The following FBXO11 variants were observed in gnomAD, a reference collection of about 807,000 sequenced individuals.
The protein encoded by FBXO11 is F-box protein 11, also known as F-box only protein 11.
FBXO11 carries 13 observed loss-of-function variants against 117.0 expected under a neutral mutation model. The observed-to-expected ratio is 0.11, with a 90% CI of 0.07 to 0.18. FBXO11 has a LOEUF of 0.18. Ranked by LOEUF, FBXO11 falls within the 10% of genes least tolerant of loss-of-function variation. The pLI is 1.00. For missense variants in FBXO11, 767 were observed against 1,164.4 expected, an observed-to-expected ratio of 0.66 and a Z score of 4.97; for synonymous variants, 490 against 380.5, an observed-to-expected ratio of 1.29 and a Z score of -3.35.
intron 1 of FBXO11, 67 bp downstream of exon 1, chr2:47,905,422 G>A (rs1348275850): frequency 1.8e-6 from 2 of 1,094,060 alleles, no homozygotes; most frequent in Non-Finnish European, 2.2e-6. Context: ...CCGCCCGCCC[G>A]CCCGCCCCGG....
chr2:47,823,405 A>C, intron 11 of FBXO11, 45 bp from the exon 12 acceptor site: 1 of 1,365,262 alleles, frequency 7.3e-7, no homozygotes, highest in Non-Finnish European at 1.0e-6. Flanking sequence ...CCTACTTTAC[A>C]AAAAAAGAAA....
chr2:47,889,489 G>C (rs960069332), intron 1 of FBXO11, among the ~76,000 whole-genome samples: 1 of 152,098 alleles, frequency 6.6e-6, no homozygotes, highest in African/African-American at 2.4e-5. Context: ...AAGATGGTCC[G>C]ACAACTTATC....
chr2:47,885,236 T>A (rs1676733172), intron 1 of FBXO11, among the ~76,000 whole-genome samples: 1 of 152,146 alleles, frequency 6.6e-6, no homozygotes, highest in South Asian at 2.1e-4. Context: ...ACCACTGAGT[T>A]CACAACTTTA....
intron 1 of FBXO11, among the ~76,000 whole-genome samples, chr2:47,854,372 T>C (rs1674106325): frequency 1.3e-5 from 2 of 152,044 alleles, no homozygotes; most frequent in Admixed American, 1.3e-4. Context: ...AAATCTCATG[T>C]TCTCTATAAA....
At chr2:47,875,157 A>G (rs1675906958) in intron 1 of FBXO11, among the ~76,000 whole-genome samples, 1 of 152,136 alleles carries the variant, frequency 6.6e-6, no homozygotes, top group Non-Finnish European at 1.5e-5. Context: ...GCAGTCCAAC[A>G]TGGCAGCCAG....
chr2:47,849,125 T>C (rs748308112), intron 1 of FBXO11, among the ~76,000 whole-genome samples: 7 of 151,960 alleles, frequency 4.6e-5, no homozygotes, highest in Non-Finnish European at 7.4e-5. Flanking sequence ...TCTAACACAG[T>C]TGGAAACTAC....
At chr2:47,824,674 T>G (rs1049185002) in intron 11 of FBXO11, among the ~76,000 whole-genome samples, 7 of 152,190 alleles carry the variant, frequency 4.6e-5, no homozygotes, top group Non-Finnish European at 7.3e-5. Flanking sequence ...TAATCTCAAT[T>G]TTGTTTAAAG....
intron 11 of FBXO11, among the ~76,000 whole-genome samples, chr2:47,830,594 T>C (rs1672103848): frequency 6.6e-6 from 1 of 152,242 alleles, no homozygotes; most frequent in Non-Finnish European, 1.5e-5. Flanking sequence ...AAATACTTTA[T>C]AAATCTTAAA....
chr2:47,881,644 T>C (rs1038524587), intron 1 of FBXO11, among the ~76,000 whole-genome samples: 1 of 152,232 alleles, frequency 6.6e-6, no homozygotes, highest in Non-Finnish European at 1.5e-5. Context: ...TACCAGTTAT[T>C]ACCATAGGGC....
intron 1 of FBXO11, among the ~76,000 whole-genome samples, chr2:47,877,005 T>C (rs989034758): frequency 3.3e-5 from 5 of 152,062 alleles, no homozygotes; most frequent in Non-Finnish European, 4.4e-5. Context: ...CCATGTTCAG[T>C]CTAGTACACA....
chr2:47,866,245 CAAAAAAA>C (rs57654823), intron 1 of FBXO11, among the ~76,000 whole-genome samples: 6 of 58,440 alleles, frequency 1.0e-4, no homozygotes, highest in Admixed American at 2.0e-4. Flanking sequence ...CCTTCTGCTT[CAAAAAAA>C]AAAAAAAAAA....
chr2:47,877,042 GTTT>G (rs570651515), intron 1 of FBXO11, among the ~76,000 whole-genome samples: 8 of 144,384 alleles, frequency 5.5e-5, no homozygotes, highest in African/African-American at 1.5e-4. Flanking sequence ...TTAATACAGG[GTTT>G]TTTTTTTTTG....
chr2:47,877,965 G>A (rs1312649874), intron 1 of FBXO11, among the ~76,000 whole-genome samples: 2 of 152,128 alleles, frequency 1.3e-5, no homozygotes, highest in East Asian at 1.9e-4. Flanking sequence ...TTACAGGCGT[G>A]AGCCACCGTG....
At chr2:47,887,585 G>C (rs778514951) in intron 1 of FBXO11, among the ~76,000 whole-genome samples, 12 of 152,008 alleles carry the variant, frequency 7.9e-5, no homozygotes, top group Non-Finnish European at 1.6e-4. Flanking sequence ...GTGGGGCCAG[G>C]CATGGTGGCT....
intron 1 of FBXO11, among the ~76,000 whole-genome samples, chr2:47,901,131 G>GTGTACATATATATACATATA (rs1678255610): frequency 1.9e-5 from 2 of 105,650 alleles, no homozygotes; most frequent in Non-Finnish European, 2.1e-5. Context: ...GTGTGTACAT[G>GTGTACATATATATACATATA]TATATATATA....
chr2:47,901,103 A>ATG (rs371221697), intron 1 of FBXO11, among the ~76,000 whole-genome samples: 16,456 of 112,784 alleles, frequency 0.15, 1,621 homozygotes, highest in South Asian at 0.21. Flanking sequence ...ATACATATAT[A>ATG]TGTATATATG....
At chr2:47,839,915 A>C in intron 1 of FBXO11, 146 bp from the exon 2 acceptor site, 1 of 643,864 alleles carries the variant, frequency 1.6e-6, no homozygotes. Context: ...AGCTATATGA[A>C]AGAAATGTTA....
At chr2:47,832,327 T>G in intron 11 of FBXO11, 22 bp downstream of exon 11, 1 of 1,553,708 alleles carries the variant, frequency 6.4e-7, no homozygotes, top group Non-Finnish European at 8.7e-7. Context: ...TCCGTTTTTC[T>G]ATTAAAAATA....
intron 18 of FBXO11, chr2:47,810,717 G>A: frequency 3.8e-6 from 1 of 263,464 alleles, no homozygotes; most frequent in Non-Finnish European, 7.1e-6. Context: ...GTGCATAGGT[G>A]ATTCTCAATG....
Sources: allele counts gnomAD v4.1 joint callset (sites outside exome capture counted in the v4.1 genomes callset), GRCh38; gene constraint gnomAD v4.1.1; transcripts MANE v1.5; gene names NCBI Gene and HGNC (gene_info 2026-07-23, HGNC 2026-07-21).